The following GPHN variants were observed in gnomAD, a reference collection of about 807,000 sequenced individuals.
GPHN encodes gephyrin.
In GPHN, 17 loss-of-function variants were observed where a neutral mutation model predicts 95.5. The observed-to-expected ratio is 0.18, with a 90% CI of 0.12 to 0.27. The LOEUF (loss-of-function observed/expected upper bound fraction) is 0.27. Ranked by LOEUF, GPHN falls within the 10% of genes least tolerant of loss-of-function variation. The pLI, the probability that GPHN is intolerant of heterozygous loss-of-function variation, is 1.00. For synonymous variants in GPHN, 320 were observed against 322.5 expected, an observed-to-expected ratio of 0.99 and a Z score of 0.08; for missense variants, 660 against 978.1, an observed-to-expected ratio of 0.67 and a Z score of 4.34.
chr14:66,963,429 T>G (rs961032108), intron 8 of GPHN, among the ~76,000 whole-genome samples: 48 of 152,064 alleles, frequency 3.2e-4, no homozygotes, highest in Admixed American at 9.8e-4. Flanking sequence ...AGCAAAACAG[T>G]TCCATCATGA....
intron 10 of GPHN, among the ~76,000 whole-genome samples, chr14:67,030,972 C>CT (rs2074165949): frequency 6.6e-6 from 1 of 151,836 alleles, no homozygotes; most frequent in South Asian, 2.1e-4. Flanking sequence ...AGCAAAAACT[C>CT]TAATATATTT....
chr14:67,049,329 G>A (rs182875632), intron 10 of GPHN, among the ~76,000 whole-genome samples: 3,624 of 152,046 alleles, frequency 0.024, 68 homozygotes, highest in Non-Finnish European at 0.035. Flanking sequence ...CCGGGTTCAC[G>A]CCTTTCTCCT....
chr14:66,601,017 T>C (rs1361136945), intron 1 of GPHN, among the ~76,000 whole-genome samples: 1 of 152,046 alleles, frequency 6.6e-6, no homozygotes, highest in Non-Finnish European at 1.5e-5. Context: ...ATTTAATATG[T>C]GTTCATTTAT....
At chr14:67,624,127 G>A in the GPHN span, among the ~76,000 whole-genome samples, 1 of 152,220 alleles carries the variant, frequency 6.6e-6, no homozygotes, top group Admixed American at 6.5e-5. Context: ...CTGAGGAGCA[G>A]TATATCTGCA....
At chr14:67,697,401 G>C in the GPHN span, among the ~76,000 whole-genome samples, 1 of 152,140 alleles carries the variant, frequency 6.6e-6, no homozygotes, top group African/African-American at 2.4e-5. Flanking sequence ...CCCACCTGAG[G>C]GTTCACAGTC....
chr14:66,668,151 G>C (rs1214468672), intron 1 of GPHN, among the ~76,000 whole-genome samples: 1 of 152,194 alleles, frequency 6.6e-6, no homozygotes, highest in East Asian at 1.9e-4. Flanking sequence ...TTGTGAGGTT[G>C]TGGATAAAAG....
the GPHN span, among the ~76,000 whole-genome samples, chr14:67,461,323 C>T: frequency 7.2e-5 from 11 of 152,302 alleles, 1 homozygote; most frequent in African/African-American, 2.4e-4. Context: ...AACATGCCCA[C>T]TTGAGTCAGG....
chr14:67,419,896 G>C, the GPHN span, among the ~76,000 whole-genome samples: 3 of 152,226 alleles, frequency 2.0e-5, no homozygotes, highest in Admixed American at 2.0e-4. Flanking sequence ...ATGGCAGTGG[G>C]TCTGCATCTC....
At chr14:67,251,336 C>T in the GPHN span, among the ~76,000 whole-genome samples, 1 of 152,128 alleles carries the variant, frequency 6.6e-6, no homozygotes, top group South Asian at 2.1e-4. Flanking sequence ...AGTTTGAGAC[C>T]AACCTGGGCA....
At chr14:66,735,225 A>G (rs978590995) in intron 2 of GPHN, among the ~76,000 whole-genome samples, 2 of 152,200 alleles carry the variant, frequency 1.3e-5, no homozygotes, top group African/African-American at 2.4e-5. Flanking sequence ...GAAACCAGCA[A>G]CATCTGTCAG....
At chr14:66,579,619 A>G (rs1239730689) in intron 1 of GPHN, among the ~76,000 whole-genome samples, 1 of 151,812 alleles carries the variant, frequency 6.6e-6, no homozygotes, top group Non-Finnish European at 1.5e-5. Flanking sequence ...AGATTATTAT[A>G]TAATGATAAA....
intron 11 of GPHN, among the ~76,000 whole-genome samples, chr14:67,074,001 G>A (rs963417337): frequency 6.6e-6 from 1 of 152,062 alleles, no homozygotes; most frequent in African/African-American, 2.4e-5. Flanking sequence ...AGCAAGACCT[G>A]CAGTACACCA....
At chr14:66,690,070 A>G (rs938798881) in intron 2 of GPHN, among the ~76,000 whole-genome samples, 2 of 148,608 alleles carry the variant, frequency 1.3e-5, no homozygotes, top group African/African-American at 2.5e-5. Flanking sequence ...GATATTTTTT[A>G]TTTTTTCTAC....
Position 66,990,578 on chromosome 14 carries a change from A to G in GPHN, c.963+25253A>G, listed in dbSNP as rs370118041. Among the ~76,000 whole-genome samples the G allele has an allele frequency of 2.2e-4, 34 of 152,262 alleles. 2 individuals carry two copies. Among genetic ancestry groups the G allele is most frequent in the African/African-American group, 7.9e-4 (33 of 41,560 alleles). Reference sequence around the variant, plus strand: ...TCAATTTTCAAGGAAAATAATTACTATTAGAGTATCATCATAGGTAATCTG... The same window carrying G: ...TCAATTTTCAAGGAAAATAATTACTGTTAGAGTATCATCATAGGTAATCTG... On this transcript the variant is annotated intron_variant, in intron 9 of 22. Transcript: ENST00000478722.
chr14:67,670,916 G>T, the GPHN span, among the ~76,000 whole-genome samples: 1 of 152,162 alleles, frequency 6.6e-6, no homozygotes, highest in South Asian at 2.1e-4. Context: ...ATTGAAAAAT[G>T]ACTGAATTCA....
chr14:66,539,681 A>G (rs186213688), intron 1 of GPHN, among the ~76,000 whole-genome samples: 21 of 152,198 alleles, frequency 1.4e-4, no homozygotes, highest in Non-Finnish European at 2.5e-4. Context: ...TCGGCCTCCC[A>G]AAGTGCTGGG....
chr14:66,805,281 C>T (rs1253970426), intron 3 of GPHN, among the ~76,000 whole-genome samples: 2 of 152,148 alleles, frequency 1.3e-5, no homozygotes, highest in African/African-American at 4.8e-5. Context: ...AAACCTGCCC[C>T]CATGATTCAG....
At chr14:66,516,997 G>C (rs2058272431) in intron 1 of GPHN, among the ~76,000 whole-genome samples, 1 of 151,890 alleles carries the variant, frequency 6.6e-6, no homozygotes, top group African/African-American at 2.4e-5. Context: ...AGGCATGGTG[G>C]TGTGTGCCTG....
At chr14:67,669,948 A>G in the GPHN span, among the ~76,000 whole-genome samples, 1 of 152,094 alleles carries the variant, frequency 6.6e-6, no homozygotes, top group Non-Finnish European at 1.5e-5. Flanking sequence ...ACAAAAAATT[A>G]GCCAGGCCTG....
Sources: allele counts gnomAD v4.1 joint callset (sites outside exome capture counted in the v4.1 genomes callset), GRCh38; gene constraint gnomAD v4.1.1; transcripts MANE v1.5; gene names NCBI Gene and HGNC (gene_info 2026-07-23, HGNC 2026-07-21).